Variants in DACH1 observed in about 807,000 individuals in gnomAD.
DACH1 encodes the protein dachshund family transcription factor 1.
DACH1 carries 12 observed loss-of-function variants against 54.2 expected under a neutral mutation model. That is an observed-to-expected ratio of 0.22 (90% CI 0.14 to 0.36). The LOEUF (loss-of-function observed/expected upper bound fraction) is 0.36, where lower values mean the gene tolerates loss of function less well. Ranked by LOEUF, DACH1 falls within the 10% of genes least tolerant of loss-of-function variation. The pLI, the probability that DACH1 is intolerant of heterozygous loss-of-function variation, is 1.00. For synonymous variants in DACH1, 386 were observed against 366.2 expected (o/e 1.05, Z -0.62); for missense variants, 805 against 929.8 (o/e 0.87, Z 1.75).
intron 1 of DACH1, among the ~76,000 whole-genome samples, chr13:71,687,923 A>G (rs572403971): frequency 6.6e-6 from 1 of 152,340 alleles, no homozygotes; most frequent in East Asian, 1.9e-4. Flanking sequence ...ACAAACTTTT[A>G]AAACTAATTT....
chr13:71,445,076 G>A (rs1206862745), intron 10 of DACH1, among the ~76,000 whole-genome samples: 2 of 152,136 alleles, frequency 1.3e-5, no homozygotes, highest in Non-Finnish European at 2.9e-5. Flanking sequence ...CCTCCCCCAC[G>A]ATAAGCCCCG....
chr13:71,594,313 T>C (rs919849977), intron 3 of DACH1, among the ~76,000 whole-genome samples: 1 of 152,072 alleles, frequency 6.6e-6, no homozygotes, highest in Non-Finnish European at 1.5e-5. Context: ...GAAAGCTATT[T>C]AATTTACAAA....
At chr13:71,634,301 A>G (rs1298963399) in intron 2 of DACH1, among the ~76,000 whole-genome samples, 1 of 152,034 alleles carries the variant, frequency 6.6e-6, no homozygotes, top group East Asian at 1.9e-4. Context: ...TATATATTCA[A>G]TGCTTGCTCT....
At chr13:71,472,496 T>C (rs988268684) in intron 10 of DACH1, among the ~76,000 whole-genome samples, 3 of 152,236 alleles carry the variant, frequency 2.0e-5, no homozygotes, top group African/African-American at 7.2e-5. Context: ...GTGGCATTTA[T>C]TTATTGCCAG....
chr13:71,469,463 A>C (rs1189577291), intron 10 of DACH1, among the ~76,000 whole-genome samples: 1 of 152,140 alleles, frequency 6.6e-6, no homozygotes, highest in Non-Finnish European at 1.5e-5. Context: ...AACAATAATA[A>C]TATATTGTAA....
At chr13:71,734,971 C>T (rs1366532997) in intron 1 of DACH1, among the ~76,000 whole-genome samples, 1 of 96,328 alleles carries the variant, frequency 1.0e-5, no homozygotes, top group African/African-American at 2.7e-5. Flanking sequence ...TATATATATA[C>T]ACACACAGGA....
intron 6 of DACH1, among the ~76,000 whole-genome samples, chr13:71,555,532 C>T (rs527476042): frequency 1.5e-3 from 232 of 151,754 alleles, no homozygotes; most frequent in African/African-American, 4.2e-3. Context: ...TTAGTAGAGA[C>T]GGAGTTTCAC....
At chr13:71,558,824 T>A (rs141884508) in intron 5 of DACH1, among the ~76,000 whole-genome samples, 2 of 152,064 alleles carry the variant, frequency 1.3e-5, no homozygotes, top group African/African-American at 4.8e-5. Context: ...CTTTAAATTA[T>A]CCACTTCAAT....
chr13:71,439,946 T>TA lies in DACH1; in HGVS notation c.*708_*709insT, dbSNP rs1226118727. ...AATGAAAACATGTTACACTTATATA[T>TA]TTTTTTTTATTTTTAAGAAAAAAAA... On this transcript the variant is annotated 3_prime_UTR_variant, in exon 11 of 11. Coordinates refer to ENST00000613252, the MANE Select transcript of DACH1 (RefSeq NM_080759.6). 10 of 146,360 alleles carry TA rather than the reference T, an allele frequency of 6.8e-5. No homozygotes were observed. The highest frequency in any genetic ancestry group is 1.4e-4 in the Non-Finnish European group (9 of 64,368). 9.1% of individuals were successfully genotyped at this position (146,360 alleles called of 1,614,324 possible). A position where few individuals can be genotyped will look rare whatever the true frequency, so the allele number is the denominator to read the frequency against.
chr13:71,866,296 GCTGCTGCTGCTACTA>G lies in DACH1; in HGVS notation c.459_473del (p.Ser159_Ser163del), dbSNP rs967181962. 5.2e-6 allele frequency: 8 copies of G among 1,551,066 alleles called. No individual in the cohort carries two copies. Among genetic ancestry groups the G allele is most frequent in the African/African-American group, 1.4e-5 (1 of 73,164 alleles). On this transcript the variant is annotated inframe_deletion, in exon 1 of 11. Coordinates refer to ENST00000613252, the MANE Select transcript of DACH1 (RefSeq NM_080759.6). ...GGGGGCCGCAGCTGCTGCTGCTACT[GCTGCTGCTGCTACTA>G]CTGCTGCTGCTGCTGCTGCTGCTAC...
chr13:71,568,745 GC>G (rs1173728529), intron 4 of DACH1, among the ~76,000 whole-genome samples: 1 of 152,052 alleles, frequency 6.6e-6, no homozygotes, highest in Non-Finnish European at 1.5e-5. Context: ...TATGGGGGAA[GC>G]TGAATTACAT....
At chr13:71,479,372 C>T in intron 7 of DACH1, 56 bp from the exon 8 acceptor site, 1 of 1,557,068 alleles carries the variant, frequency 6.4e-7, no homozygotes, top group South Asian at 1.2e-5. Context: ...AAATTTCGTT[C>T]ATTACTTAAA....
chr13:71,529,611 G>A (rs1012598143), intron 6 of DACH1, among the ~76,000 whole-genome samples: 1 of 152,000 alleles, frequency 6.6e-6, no homozygotes, highest in Non-Finnish European at 1.5e-5. Context: ...AAATAACTTC[G>A]GAGAATATTC....
intron 1 of DACH1, among the ~76,000 whole-genome samples, chr13:71,748,359 T>G (rs181374789): frequency 2.9e-3 from 449 of 152,270 alleles, no homozygotes; most frequent in Non-Finnish European, 3.6e-3. Flanking sequence ...TCACAGTGAG[T>G]GGCAGCTAAA....
At chr13:71,492,994 T>C (rs1879115217) in intron 6 of DACH1, among the ~76,000 whole-genome samples, 1 of 152,010 alleles carries the variant, frequency 6.6e-6, no homozygotes, top group African/African-American at 2.4e-5. Context: ...ACATAACAAA[T>C]ATTTTAACTT....
chr13:71,637,885 A>G (rs1877600725), intron 2 of DACH1, among the ~76,000 whole-genome samples: 2 of 152,182 alleles, frequency 1.3e-5, no homozygotes, highest in African/African-American at 4.8e-5. Context: ...TTGCTGTCAA[A>G]TTCTTTCTCT....
intron 4 of DACH1, among the ~76,000 whole-genome samples, chr13:71,572,087 A>C (rs1885248347): frequency 6.6e-6 from 1 of 152,180 alleles, no homozygotes; most frequent in African/African-American, 2.4e-5. Flanking sequence ...ATGCAGCATA[A>C]AATATCTTGT....
At chr13:71,775,434 G>A (rs1261133115) in intron 1 of DACH1, among the ~76,000 whole-genome samples, 1 of 151,912 alleles carries the variant, frequency 6.6e-6, no homozygotes, top group African/African-American at 2.4e-5. Flanking sequence ...ATAATGGTAT[G>A]TTCATTTCAC....
At chr13:71,630,249 A>T (rs1876989439) in intron 3 of DACH1, among the ~76,000 whole-genome samples, 1 of 152,100 alleles carries the variant, frequency 6.6e-6, no homozygotes, top group Non-Finnish European at 1.5e-5. Context: ...CACCTTAGCT[A>T]CTCTCAATGT....
Sources: gnomAD v4.1 joint callset for allele counts (sites outside exome capture counted in the v4.1 genomes callset) on GRCh38, gnomAD v4.1.1 for gene constraint, MANE v1.5 for transcripts, NCBI Gene and HGNC (gene_info 2026-07-23, HGNC 2026-07-21) for gene names.